NTRK3: variants seen among roughly 807,000 people sequenced by gnomAD.
NTRK3 encodes neurotrophic receptor tyrosine kinase 3.
NTRK3 carries 24 observed loss-of-function variants against 91.7 expected under a neutral mutation model. The observed-to-expected ratio is 0.26, with a 90% CI of 0.19 to 0.37. The LOEUF (loss-of-function observed/expected upper bound fraction) is 0.37. Among genes scored for constraint, NTRK3 ranks in the 10% least tolerant of loss-of-function variants. The pLI is 1.00. For synonymous variants in NTRK3, 483 were observed against 404.0 expected (o/e 1.20, Z -2.34); for missense variants, 880 against 1,068.9 (o/e 0.82, Z 2.46).
intron 3 of NTRK3, among the ~76,000 whole-genome samples, chr15:88,239,448 TTAC>T (rs1216330976): frequency 6.6e-6 from 1 of 152,160 alleles, no homozygotes; most frequent in Non-Finnish European, 1.5e-5. Context: ...ACACAATGAC[TTAC>T]TCTACCTCCC....
intron 13 of NTRK3, among the ~76,000 whole-genome samples, chr15:88,089,288 T>C (rs1597240198): frequency 6.6e-6 from 1 of 152,228 alleles, no homozygotes; most frequent in Admixed American, 6.5e-5. Flanking sequence ...CAAAGTAATT[T>C]AATAACCAAG....
intron 5 of NTRK3, among the ~76,000 whole-genome samples, chr15:88,179,259 CAT>C (rs1164578960): frequency 2.6e-5 from 4 of 152,174 alleles, no homozygotes; most frequent in Non-Finnish European, 5.9e-5. Context: ...ACTAGCAAAA[CAT>C]AGTAACTTTT....
At chr15:87,907,562 C>T (rs1014382105) in intron 17 of NTRK3, among the ~76,000 whole-genome samples, 1 of 152,120 alleles carries the variant, frequency 6.6e-6, no homozygotes, top group Admixed American at 6.5e-5. Flanking sequence ...AAGCTTCTCA[C>T]TTCAAAACTG....
intron 3 of NTRK3, among the ~76,000 whole-genome samples, chr15:88,249,135 C>T (rs937442521): frequency 6.6e-6 from 1 of 152,092 alleles, no homozygotes; most frequent in African/African-American, 2.4e-5. Flanking sequence ...CACCCAGACT[C>T]TGGGACACTT....
chr15:88,206,518 C>A (rs1215695202), intron 3 of NTRK3, among the ~76,000 whole-genome samples: 4 of 149,926 alleles, frequency 2.7e-5, no homozygotes, highest in African/African-American at 9.9e-5. Context: ...ATTAGCCGGG[C>A]GCGGTGGCGG....
rs74511908 is a variant in NTRK3, at chr15:88,119,139, C to T, written c.1396+7132G>A. The stretch of plus-strand genomic sequence containing the variant: ...CAGCCTCCACACGACCAATGGTGAC[C>T]GTGTAGGGACTTCTATGATGATTCA... On this transcript the variant is annotated intron_variant, in intron 13 of 18. Coordinates refer to ENST00000394480, the Ensembl canonical transcript of NTRK3. Among the ~76,000 whole-genome samples the T allele has an allele frequency of 8.7e-3, 1,329 of 152,306 alleles. 20 individuals are homozygous for T. Among genetic ancestry groups the T allele is most frequent in the African/African-American group, 0.03 (1,258 of 41,552 alleles).
chr15:88,027,854 C>A (rs570985138), intron 14 of NTRK3, among the ~76,000 whole-genome samples: 93 of 152,290 alleles, frequency 6.1e-4, no homozygotes, highest in Non-Finnish European at 1.0e-3. Flanking sequence ...TGAGAAACGG[C>A]AGGCTGACCT....
exon 19 of NTRK3, chr15:87,869,319 A>G (rs573804349): frequency 4.3e-6 from 1 of 230,312 alleles, no homozygotes; most frequent in African/African-American, 2.2e-5. Flanking sequence ...CGGGTTCCAG[A>G]TGGGATTTGT....
intron 13 of NTRK3, among the ~76,000 whole-genome samples, chr15:88,111,898 T>TTTG (rs1444349087): frequency 1.0e-5 from 1 of 97,360 alleles, no homozygotes; most frequent in African/African-American, 5.5e-5. Context: ...CTGGTTTTTT[T>TTTG]TTTGTTTTTG....
intron 13 of NTRK3, among the ~76,000 whole-genome samples, chr15:88,105,124 T>C (rs2050565648): frequency 6.6e-6 from 1 of 152,136 alleles, no homozygotes; most frequent in Non-Finnish European, 1.5e-5. Flanking sequence ...CATAAATAAT[T>C]CAAACTAAAC....
intron 14 of NTRK3, among the ~76,000 whole-genome samples, chr15:87,950,431 G>A (rs891195325): frequency 5.3e-5 from 8 of 152,192 alleles, no homozygotes; most frequent in Admixed American, 2.0e-4. Context: ...CTATAAAAGA[G>A]AGGCAGCAGC....
chr15:87,896,283 C>T (rs540444841), intron 17 of NTRK3, among the ~76,000 whole-genome samples: 1 of 152,110 alleles, frequency 6.6e-6, no homozygotes, highest in East Asian at 1.9e-4. Flanking sequence ...TCATCCCGGC[C>T]AATATGGTGA....
Position 88,235,466 on chromosome 15 carries a change from C to T in NTRK3, c.248+20440G>A, listed in dbSNP as rs2051628790. Among the ~76,000 whole-genome samples the T allele has an allele frequency of 6.6e-6, 1 of 152,182 alleles. No individual in the cohort carries two copies. Among genetic ancestry groups the T allele is most frequent in the African/African-American group, 2.4e-5 (1 of 41,440 alleles). ...CAGCTAAACCATTGTGGGAGAGAGA[C>T]ACAAGCCCAGGGGAGTTGCCTTTCT... On this transcript the variant is annotated intron_variant, in intron 3 of 18. Transcript: ENST00000394480. This position sits in a 1 kb window ranked among gnomAD's most constrained non-coding sequence, Gnocchi z 5.2.
intron 5 of NTRK3, among the ~76,000 whole-genome samples, chr15:88,174,632 G>T (rs1323663038): frequency 1.3e-5 from 2 of 152,204 alleles, no homozygotes; most frequent in African/African-American, 4.8e-5. Flanking sequence ...TGTCCAAACA[G>T]CTCTAGCAGA....
chr15:88,185,394 G>A (rs1211816546), intron 3 of NTRK3, among the ~76,000 whole-genome samples: 2 of 152,158 alleles, frequency 1.3e-5, no homozygotes, highest in African/African-American at 4.8e-5. Context: ...TATTGTTTTT[G>A]TATTGACCAA....
At chr15:87,935,962 G>A (rs903276254) in intron 15 of NTRK3, among the ~76,000 whole-genome samples, 3 of 152,190 alleles carry the variant, frequency 2.0e-5, no homozygotes, top group Non-Finnish European at 4.4e-5. Flanking sequence ...TTGGCCAAAC[G>A]TAGGGTATGG....
At chr15:88,244,544 C>T (rs1288289972) in intron 3 of NTRK3, among the ~76,000 whole-genome samples, 1 of 150,574 alleles carries the variant, frequency 6.6e-6, no homozygotes, top group Non-Finnish European at 1.5e-5. Flanking sequence ...TTGCCATGAC[C>T]CCAGAGAAGA....
At chr15:87,956,339 A>G (rs529385293) in intron 14 of NTRK3, among the ~76,000 whole-genome samples, 6 of 152,244 alleles carry the variant, frequency 3.9e-5, no homozygotes, top group Admixed American at 1.3e-4. Flanking sequence ...CAATGGCACA[A>G]TCTCGGCTCA....
intron 13 of NTRK3, among the ~76,000 whole-genome samples, chr15:88,121,953 C>T (rs561921763): frequency 1.4e-4 from 21 of 152,300 alleles, no homozygotes; most frequent in Admixed American, 3.3e-4. Flanking sequence ...ATCAACATGG[C>T]AGTTGGAGGG....
Sources: allele counts gnomAD v4.1 joint callset (sites outside exome capture counted in the v4.1 genomes callset), GRCh38; gene constraint gnomAD v4.1.1; non-coding constraint Gnocchi (gnomAD v3.1); transcripts MANE v1.5; gene names NCBI Gene and HGNC (gene_info 2026-07-23, HGNC 2026-07-21).